Variants in MYO1E observed in about 807,000 individuals in gnomAD.
MYO1E encodes the protein myosin IE.
Under a neutral mutation model 151.1 loss-of-function variants are expected in MYO1E, and 68 were observed. The ratio of observed to expected loss-of-function variants is 0.45; its 90% CI spans 0.37 to 0.55. The LOEUF is 0.55. Ranked by LOEUF, MYO1E falls within the 20% of genes least tolerant of loss-of-function variation. MYO1E has a pLI of 0.00. For missense variants in MYO1E, 1,363 were observed against 1,389.3 expected, an observed-to-expected ratio of 0.98 and a Z score of 0.30; for synonymous variants, 601 against 501.7, an observed-to-expected ratio of 1.20 and a Z score of -2.64.
At chr15:59,322,430 T>C (rs2140417577) in intron 1 of MYO1E, among the ~76,000 whole-genome samples, 1 of 152,342 alleles carries the variant, frequency 6.6e-6, no homozygotes, top group East Asian at 1.9e-4. Context: ...AAGCTATTTT[T>C]TAACTTGAAA....
intron 1 of MYO1E, among the ~76,000 whole-genome samples, chr15:59,307,144 T>C (rs1338732190): frequency 6.6e-6 from 1 of 152,116 alleles, no homozygotes; most frequent in Admixed American, 6.5e-5. Flanking sequence ...CAGCTTTTAT[T>C]TAACTGAAAA....
At chr15:59,248,899 A>C (rs563032216) in intron 4 of MYO1E, among the ~76,000 whole-genome samples, 1 of 152,178 alleles carries the variant, frequency 6.6e-6, no homozygotes. Context: ...CCCTTCGTGG[A>C]CTGTGTTCCA....
chr15:59,176,414 A>G (rs2079625408), intron 19 of MYO1E, among the ~76,000 whole-genome samples: 1 of 149,332 alleles, frequency 6.7e-6, no homozygotes, highest in African/African-American at 2.5e-5. Flanking sequence ...AACATTTACT[A>G]TTAAGGTGAA....
intron 9 of MYO1E, 119 bp downstream of exon 9, chr15:59,222,940 T>A (rs1395466719): frequency 3.4e-6 from 5 of 1,467,344 alleles, no homozygotes; most frequent in Non-Finnish European, 4.7e-6. Context: ...AGAGGACATG[T>A]AGATTTATCA....
At chr15:59,361,149 C>A (rs2080882820) in intron 1 of MYO1E, among the ~76,000 whole-genome samples, 1 of 152,172 alleles carries the variant, frequency 6.6e-6, no homozygotes, top group African/African-American at 2.4e-5. Context: ...GAGACTGGAC[C>A]AACTACCAGA....
At chr15:59,352,606 T>G (rs1300158563) in intron 1 of MYO1E, among the ~76,000 whole-genome samples, 1 of 152,188 alleles carries the variant, frequency 6.6e-6, no homozygotes, top group African/African-American at 2.4e-5. Flanking sequence ...TTAAACACGG[T>G]ACCTAACTCA....
intron 1 of MYO1E, among the ~76,000 whole-genome samples, chr15:59,319,806 G>C (rs1454729792): frequency 5.3e-5 from 8 of 152,000 alleles, no homozygotes; most frequent in African/African-American, 1.9e-4. Context: ...AGGAGGTTGA[G>C]GCAGGAGAAT....
rs1226957519 is a variant in MYO1E at position 59,132,680 on chromosome 15, T to G, written c.*4700A>C. 2 of 152,202 alleles carry G rather than the reference T, an allele frequency of 1.3e-5. No homozygotes were observed. The highest frequency in any genetic ancestry group is 4.8e-5 in the African/African-American group (2 of 41,444). 9.4% of individuals were successfully genotyped at this position (152,202 alleles called of 1,614,324 possible). ...GAGCACTAACTCTGAACGTGGGTGC[T>G]TTGGGTTTGATTTTAAGTAGTGGTG... On this transcript the variant is annotated 3_prime_UTR_variant, in exon 28 of 28. Transcript: ENST00000288235.
intron 16 of MYO1E, among the ~76,000 whole-genome samples, chr15:59,200,777 T>A (rs535340343): frequency 6.6e-6 from 1 of 152,328 alleles, no homozygotes; most frequent in South Asian, 2.1e-4. Flanking sequence ...TGAAGCTGAA[T>A]CATCACAGTA....
chr15:59,292,045 T>A (rs1410898888), intron 1 of MYO1E, among the ~76,000 whole-genome samples: 1 of 152,246 alleles, frequency 6.6e-6, no homozygotes, highest in African/African-American at 2.4e-5. Context: ...TTTTAAAATC[T>A]ACCCAACACT....
Position 59,275,083 on chromosome 15 carries a change from C to T in MYO1E, c.4-2634G>A, listed in dbSNP as rs75635879. Among the ~76,000 whole-genome samples the T allele has an allele frequency of 3.9e-3, 592 of 152,250 alleles. 4 individuals are homozygous for T. Among genetic ancestry groups the T allele is most frequent in the African/African-American group, 0.014 (561 of 41,526 alleles). On this transcript the variant is annotated intron_variant, in intron 1 of 27. Transcript: ENST00000288235. ...CATATAGGAGGAAACTGAGATCTCC[C>T]GACTAGTAAGTAGCAAAAGCCAAGA...
At position 59,247,523 on chromosome 15, in the gene MYO1E, G is replaced by C. The variant is rs542407364; in HGVS notation, c.332+8761C>G. Among the ~76,000 whole-genome samples, 4 of 152,318 alleles carry C rather than the reference G, an allele frequency of 2.6e-5. No individual in the cohort carries two copies. The East Asian group carries it at 5.8e-4, about 22-fold the overall frequency. ...AGCTTCAAAAAACAATGCCAACAGA[G>C]TGGTAAGGATTAAGAGACAACCTAT... On this transcript the variant is annotated intron_variant, in intron 4 of 27. Transcript: ENST00000288235.
At chr15:59,182,831 C>T (rs181264977) in intron 18 of MYO1E, among the ~76,000 whole-genome samples, 22 of 152,278 alleles carry the variant, frequency 1.4e-4, no homozygotes, top group Non-Finnish European at 2.8e-4. Flanking sequence ...TCCCTTACAC[C>T]AGCCAATCTT....
At chr15:59,365,452 T>C (rs553881093) in intron 1 of MYO1E, among the ~76,000 whole-genome samples, 24 of 152,318 alleles carry the variant, frequency 1.6e-4, no homozygotes, top group East Asian at 1.5e-3. Flanking sequence ...CACCACTGTT[T>C]GGTAAGAAAA....
At chr15:59,239,419 A>G (rs1239599035) in intron 4 of MYO1E, among the ~76,000 whole-genome samples, 1 of 151,516 alleles carries the variant, frequency 6.6e-6, no homozygotes, top group Non-Finnish European at 1.5e-5. Flanking sequence ...CTTTACTAGA[A>G]CAAGCTGGGA....
intron 1 of MYO1E, among the ~76,000 whole-genome samples, chr15:59,342,452 T>C (rs2140429900): frequency 6.6e-6 from 1 of 152,344 alleles, no homozygotes; most frequent in East Asian, 1.9e-4. Context: ...TGTTTTCTTT[T>C]AGTAGTTTCA....
chr15:59,202,449 C>A (rs1301406485), intron 15 of MYO1E, 42 bp from the exon 16 acceptor site: 2 of 1,565,824 alleles, frequency 1.3e-6, no homozygotes, highest in Non-Finnish European at 1.8e-6. Flanking sequence ...TCTGTAAGTA[C>A]CTCTGGGGCT....
At chr15:59,372,223 G>A (rs186416671) in intron 1 of MYO1E, among the ~76,000 whole-genome samples, 2 of 152,170 alleles carry the variant, frequency 1.3e-5, no homozygotes, top group African/African-American at 2.4e-5. Context: ...CCACACCCTG[G>A]CTTCCGACAG....
intron 10 of MYO1E, among the ~76,000 whole-genome samples, chr15:59,216,063 T>A (rs1214342693): frequency 6.6e-6 from 1 of 152,196 alleles, no homozygotes; most frequent in Non-Finnish European, 1.5e-5. Context: ...TCCTACCCTG[T>A]CCTGCCTGAC....
Sources: allele counts gnomAD v4.1 joint callset (sites outside exome capture counted in the v4.1 genomes callset), GRCh38; gene constraint gnomAD v4.1.1; transcripts MANE v1.5; gene names NCBI Gene and HGNC (gene_info 2026-07-23, HGNC 2026-07-21).